The following PAN3 variants were observed in gnomAD, a reference collection of about 807,000 sequenced individuals.
PAN3 encodes the protein poly(A) specific ribonuclease subunit PAN3, also known as PAN2-PAN3 deadenylation complex subunit PAN3.
PAN3 carries 19 observed loss-of-function variants against 96.2 expected under a neutral mutation model. The ratio of observed to expected loss-of-function variants is 0.20; its 90% CI spans 0.14 to 0.29. PAN3 has a LOEUF of 0.29. Among genes scored for constraint, PAN3 ranks in the 10% least tolerant of loss-of-function variants. PAN3 has a pLI of 1.00. For missense variants in PAN3, 882 were observed against 1,108.1 expected (o/e 0.80, Z 2.90); for synonymous variants, 433 against 406.6 (o/e 1.06, Z -0.78).
intron 6 of PAN3, among the ~76,000 whole-genome samples, chr13:28,254,056 T>C (rs1218805133): frequency 1.3e-5 from 2 of 152,166 alleles, no homozygotes; most frequent in Non-Finnish European, 2.9e-5. Context: ...CTTCAGCCAA[T>C]GCTACACATA....
rs576617210 is a variant in PAN3, at chr13:28,158,869, C to T, written c.431-15403C>T. Among the ~76,000 whole-genome samples, 5 of 149,606 alleles carry T rather than the reference C, an allele frequency of 3.3e-5. 1 individual carries two copies. The highest frequency in any genetic ancestry group is 4.9e-5 in the African/African-American group (2 of 40,580). On this transcript the variant is annotated intron_variant, in intron 1 of 18. Transcript: ENST00000380958. The stretch of plus-strand genomic sequence containing the variant: ...CTCCAGCCTGGGTGACAGAGCAAGA[C>T]TCCATCTCAGAAAAAAAAAAAAAAG...
intron 1 of PAN3, among the ~76,000 whole-genome samples, chr13:28,156,683 C>A (rs1303115964): frequency 6.6e-6 from 1 of 152,060 alleles, no homozygotes; most frequent in African/African-American, 2.4e-5. Context: ...AAACTGAATC[C>A]AGCAGCATAA....
intron 5 of PAN3, among the ~76,000 whole-genome samples, chr13:28,210,064 G>A (rs1394158736): frequency 6.6e-6 from 1 of 152,098 alleles, no homozygotes; most frequent in Non-Finnish European, 1.5e-5. Flanking sequence ...AATGACAAGT[G>A]TGAGCCACTG....
chr13:28,180,873 T>C (rs996759831), intron 4 of PAN3, among the ~76,000 whole-genome samples: 11 of 152,200 alleles, frequency 7.2e-5, no homozygotes, highest in African/African-American at 2.7e-4. Flanking sequence ...TTTTTTCCCT[T>C]AAATCTAATT....
chr13:28,195,733 A>T (rs1179357655), intron 4 of PAN3, among the ~76,000 whole-genome samples: 2 of 151,614 alleles, frequency 1.3e-5, no homozygotes, highest in African/African-American at 4.8e-5. Flanking sequence ...ATGGGCTTTC[A>T]CCATGTTGGC....
intron 4 of PAN3, among the ~76,000 whole-genome samples, chr13:28,196,313 ACATAC>A (rs1193878760): frequency 3.9e-5 from 6 of 152,200 alleles, no homozygotes; most frequent in African/African-American, 1.4e-4. Context: ...GGGAAAAAAT[ACATAC>A]AAGTTTTCCT....
At chr13:28,178,012 ATGTTTT>A in intron 4 of PAN3, 77 bp downstream of exon 4, 1 of 1,349,256 alleles carries the variant, frequency 7.4e-7, no homozygotes, top group Non-Finnish European at 1.0e-6. Flanking sequence ...TGTAGTGTCA[ATGTTTT>A]TGTAAGTGGA....
chr13:28,287,853 A>G, intron 17 of PAN3, 131 bp from the exon 18 acceptor site: 2 of 742,808 alleles, frequency 2.7e-6, no homozygotes, highest in South Asian at 2.8e-5. Context: ...TTTTAAAAAC[A>G]CTGTACCAGA....
At chr13:28,274,507 A>C (rs1566252120) in intron 14 of PAN3, among the ~76,000 whole-genome samples, 1 of 151,982 alleles carries the variant, frequency 6.6e-6, no homozygotes, top group East Asian at 1.9e-4. Context: ...AAAAAAAAAA[A>C]AACTGCACAC....
chr13:28,220,720 C>T (rs1169178014), intron 6 of PAN3, among the ~76,000 whole-genome samples: 6 of 152,084 alleles, frequency 3.9e-5, no homozygotes, highest in South Asian at 2.1e-4. Flanking sequence ...TCAGAAAGAA[C>T]GTGAATATTT....
At chr13:28,155,554 G>A (rs542173240) in intron 1 of PAN3, among the ~76,000 whole-genome samples, 4 of 152,150 alleles carry the variant, frequency 2.6e-5, no homozygotes, top group South Asian at 2.1e-4. Context: ...GCACCAGTGC[G>A]CTCCAGCCTG....
chr13:28,206,315 CTTTTTTTTT>C (rs71086837), intron 5 of PAN3, among the ~76,000 whole-genome samples: 14 of 94,938 alleles, frequency 1.5e-4, no homozygotes, highest in East Asian at 3.4e-4. Flanking sequence ...GTCTAACTGA[CTTTTTTTTT>C]TTTTTTTTTT....
At position 28,260,452 on chromosome 13, in the gene PAN3, T is replaced by G. The variant is rs752925880; in HGVS notation, c.1254T>G (p.Phe418Leu). 6.2e-7 allele frequency: 1 copy of G among 1,610,110 alleles called. No homozygotes were observed. The highest frequency in any genetic ancestry group is 1.1e-5 in the South Asian group (1 of 90,992). ...TTPAPLTGMV[F>L]PNYHIYPPTA... is the part of the protein sequence containing the mutation. Reference sequence around the variant, plus strand: ...CCCCCTTCCTACCTTTTTAGGTGTTTCCAAACTATCATATTTATCCTCCAA... The same window carrying G: ...CCCCCTTCCTACCTTTTTAGGTGTTGCCAAACTATCATATTTATCCTCCAA... The change falls in exon 8 of 19, where the codon TTT becomes TTG. Residue 418 changes from phenylalanine to leucine, a missense_variant. By Grantham distance (22) the Phe-to-Leu change is conservative. Coordinates refer to ENST00000380958, the MANE Select transcript of PAN3 (RefSeq NM_175854.8).
chr13:28,179,219 G>A (rs547580110), intron 4 of PAN3, among the ~76,000 whole-genome samples: 4 of 152,234 alleles, frequency 2.6e-5, no homozygotes, highest in East Asian at 1.9e-4. Context: ...TTCTAAATCC[G>A]TATGTTAGCA....
intron 4 of PAN3, among the ~76,000 whole-genome samples, chr13:28,181,622 T>C (rs552781125): frequency 6.6e-6 from 1 of 151,796 alleles, no homozygotes; most frequent in South Asian, 2.1e-4. Context: ...TGAAGAGTTG[T>C]GTGGTGAGAA....
Position 28,144,752 on chromosome 13 carries a change from ACT to A in PAN3, c.430+5668_430+5669del, listed in dbSNP as rs923312092. ...TTTTTTTTTTTTTCCTCAGAGCCTC[ACT>A]CTGTAGCCCAGGATGGAGTGCACTG... On this transcript the variant is annotated intron_variant, in intron 1 of 18. Coordinates refer to ENST00000380958, the MANE Select transcript of PAN3 (RefSeq NM_175854.8). Among the ~76,000 whole-genome samples the A allele has an allele frequency of 6.3e-5, 7 of 111,692 alleles. No homozygotes were observed. The Admixed American group carries it at 8.4e-4, about 13-fold the overall frequency. The allele number at this position is 111,692 out of a possible 152,430, so 73.3% of individuals were successfully genotyped here. A position where few individuals can be genotyped will look rare whatever the true frequency, so the allele number is the denominator to read the frequency against.
In PAN3 at chr13:28,213,702, C is replaced by CAAA. The variant is rs779035643; in HGVS notation, c.853-6513_853-6511dup. ...AAAAGAAATGTTTTTGAAAAAACAG[C>CAAA]AAAAAAAAAAAAAAAAAAGGTTGGG... On this transcript the variant is annotated intron_variant, in intron 5 of 18. Transcript: ENST00000380958. 9.7e-3 allele frequency among the ~76,000 whole-genome samples: 760 copies of CAAA among 78,296 alleles called. 15 individuals carry two copies. The highest frequency in any genetic ancestry group is 0.026 in the African/African-American group (652 of 25,322). The allele number at this position is 78,296 out of a possible 152,430, so 51.4% of individuals were successfully genotyped here.
At chr13:28,144,718 C>CCTTT (rs1555267661) in intron 1 of PAN3, among the ~76,000 whole-genome samples, 751 of 46,738 alleles carry the variant, frequency 0.016, 96 homozygotes, top group African/African-American at 0.041. Context: ...AAAACATCAT[C>CCTTT]TTTTTTTTTT....
chr13:28,278,886 T>C (rs1887256583), intron 15 of PAN3, among the ~76,000 whole-genome samples: 1 of 152,100 alleles, frequency 6.6e-6, no homozygotes, highest in Non-Finnish European at 1.5e-5. Context: ...GGTATAGCTA[T>C]TCATTTATCC....
Sources: allele counts gnomAD v4.1 joint callset (sites outside exome capture counted in the v4.1 genomes callset), GRCh38; gene constraint gnomAD v4.1.1; transcripts MANE v1.5; gene names NCBI Gene and HGNC (gene_info 2026-07-23, HGNC 2026-07-21).